The following GIMAP7 variants were observed in gnomAD, a reference collection of about 807,000 sequenced individuals.
GIMAP7 encodes the protein GTPase IMAP family member 7.
For synonymous variants in GIMAP7, 137 were observed against 129.3 expected (o/e 1.06, Z -0.40); for missense variants, 323 against 359.7 (o/e 0.90, Z 0.83).
At chr7:150,516,621 A>T (rs553844108) in intron 1 of GIMAP7, among the ~76,000 whole-genome samples, 1 of 152,344 alleles carries the variant, frequency 6.6e-6, no homozygotes, top group Admixed American at 6.5e-5. Context: ...TAAAATTCAT[A>T]CATTACAATT....
chr7:150,519,137 C>G (rs1795162209), intron 1 of GIMAP7, among the ~76,000 whole-genome samples: 2 of 152,140 alleles, frequency 1.3e-5, no homozygotes, highest in African/African-American at 4.8e-5. Flanking sequence ...ATTTAATTGT[C>G]TGGTAGAGCT....
At chr7:150,516,206 GGT>G (rs1389278284) in intron 1 of GIMAP7, among the ~76,000 whole-genome samples, 1 of 152,068 alleles carries the variant, frequency 6.6e-6, no homozygotes, top group Non-Finnish European at 1.5e-5. Context: ...GTTTTATCAG[GGT>G]GTTCTGATAT....
rs528319287 is a variant in GIMAP7 at position 150,518,814 on chromosome 7, G to A, written c.-41-1120G>A. 4.9e-4 allele frequency among the ~76,000 whole-genome samples: 75 copies of A among 152,012 alleles called. 1 individual carries two copies. The South Asian group carries it at 0.014, about 28-fold the overall frequency. On this transcript the variant is annotated intron_variant, in intron 1 of 1. Transcript: ENST00000313543. ...CCGTGTTTCTCTTATTATTTATATG[G>A]GATAGTTTTTGCATTCAAATTTCTG...
chr7:150,517,063 T>C (rs1458176915), intron 1 of GIMAP7, among the ~76,000 whole-genome samples: 1 of 152,244 alleles, frequency 6.6e-6, no homozygotes, highest in Non-Finnish European at 1.5e-5. Context: ...AAAGGAACTT[T>C]CATTCAGTGA....
At chr7:150,516,347 A>G (rs376429323) in intron 1 of GIMAP7, among the ~76,000 whole-genome samples, 54 of 152,352 alleles carry the variant, frequency 3.5e-4, no homozygotes, top group African/African-American at 1.2e-3. Context: ...TCTCACAGTT[A>G]TCAATTTATG....
Position 150,519,564 on chromosome 7 carries a change from A to G in GIMAP7, c.-41-370A>G, listed in dbSNP as rs543692115. Among the ~76,000 whole-genome samples, 108 of 152,242 alleles carry G rather than the reference A, an allele frequency of 7.1e-4. 1 individual carries two copies. The South Asian group carries it at 0.022, about 30-fold the overall frequency. On this transcript the variant is annotated intron_variant, in intron 1 of 1. Coordinates refer to ENST00000313543, the MANE Select transcript of GIMAP7 (RefSeq NM_153236.4). Reference sequence around the variant, plus strand: ...GACACATCTTTAGTTTTCTTTATTGATGAAATATTTGTCAGCCTTTGGAAT... The same window carrying G: ...GACACATCTTTAGTTTTCTTTATTGGTGAAATATTTGTCAGCCTTTGGAAT...
chr7:150,517,494 C>T (rs1277301467), intron 1 of GIMAP7, among the ~76,000 whole-genome samples: 2 of 152,066 alleles, frequency 1.3e-5, no homozygotes, highest in African/African-American at 4.8e-5. Flanking sequence ...GTGGGAAATA[C>T]CATTTGAAGA....
At chr7:150,515,901 C>A (rs2116660549) in intron 1 of GIMAP7, among the ~76,000 whole-genome samples, 1 of 152,238 alleles carries the variant, frequency 6.6e-6, no homozygotes, top group East Asian at 1.9e-4. Flanking sequence ...AAGCGTGGAT[C>A]ATCTCCTTTG....
chr7:150,516,693 TAAA>T (rs1795140113), intron 1 of GIMAP7, among the ~76,000 whole-genome samples: 1 of 152,226 alleles, frequency 6.6e-6, no homozygotes, highest in Non-Finnish European at 1.5e-5. Flanking sequence ...TTCTTTGTGT[TAAA>T]TTTCTTTGTT....
rs530752120 is a variant in GIMAP7 at position 150,520,037 on chromosome 7, A to G, written c.63A>G (p.Lys21=). ...IVLVGKTGSG[K]SATANTILGE... ...TGGTAGGGAAAACTGGAAGTGGGAAAAGTGCAACAGCGAACACCATCCTTG... is the reference window on the plus strand; with the variant it reads ...TGGTAGGGAAAACTGGAAGTGGGAAGAGTGCAACAGCGAACACCATCCTTG... The change falls in exon 2 of 2, where the codon AAA becomes AAG. Residue 21 remains lysine, a synonymous_variant. Transcript: ENST00000313543. 4 of 1,614,178 alleles carry G rather than the reference A, an allele frequency of 2.5e-6. No individual in the cohort carries two copies. The Admixed American group carries it at 5.0e-5, about 20-fold the overall frequency.
At chr7:150,519,224 CA>C (rs2116664101) in intron 1 of GIMAP7, among the ~76,000 whole-genome samples, 2 of 152,138 alleles carry the variant, frequency 1.3e-5, no homozygotes, top group African/African-American at 4.8e-5. Context: ...ACTTTATAAT[CA>C]ACTATTTTAG....
intron 1 of GIMAP7, 22 bp from the exon 2 acceptor site, chr7:150,519,911 TC>T: frequency 6.7e-7 from 1 of 1,483,822 alleles, no homozygotes; most frequent in Non-Finnish European, 9.1e-7. Flanking sequence ...TGGCTTTTTT[TC>T]CCCTATCTTC....
At chr7:150,518,619 G>GA (rs1356651646) in intron 1 of GIMAP7, among the ~76,000 whole-genome samples, 1 of 148,870 alleles carries the variant, frequency 6.7e-6, no homozygotes. Flanking sequence ...AGATAAATCG[G>GA]AAAAAATGTT....
chr7:150,517,435 G>A (rs1412248322), intron 1 of GIMAP7, among the ~76,000 whole-genome samples: 1 of 152,058 alleles, frequency 6.6e-6, no homozygotes, highest in African/African-American at 2.4e-5. Context: ...TATGTTTACT[G>A]GCCCAGACCT....
intron 1 of GIMAP7, among the ~76,000 whole-genome samples, chr7:150,516,986 T>C (rs1795142459): frequency 6.6e-6 from 1 of 152,220 alleles, no homozygotes; most frequent in Non-Finnish European, 1.5e-5. Flanking sequence ...ATTTGTTTCA[T>C]TAAAAGTTAC....
rs773934835 is a variant in GIMAP7 at position 150,520,231 on chromosome 7, TCTC to T, written c.263_265del (p.Ser88del). 5.0e-6 allele frequency: 8 copies of T among 1,614,082 alleles called. No homozygotes were observed. Among genetic ancestry groups the T allele is most frequent in the African/African-American group, 2.7e-5 (2 of 75,006 alleles). On this transcript the variant is annotated inframe_deletion, in exon 2 of 2. Coordinates refer to ENST00000313543, the MANE Select transcript of GIMAP7 (RefSeq NM_153236.4). ...TGCAAGGAAATCAGCCGCTGCATCATCTCCTCCTGCCCAGGGCCCCATGCTATT... is the reference window on the plus strand; with the variant it reads ...TGCAAGGAAATCAGCCGCTGCATCATCTCCTGCCCAGGGCCCCATGCTATT...
chr7:150,518,872 G>A (rs1278527760), intron 1 of GIMAP7, among the ~76,000 whole-genome samples: 1 of 151,972 alleles, frequency 6.6e-6, no homozygotes, highest in Non-Finnish European at 1.5e-5. Flanking sequence ...ATGAGGAATT[G>A]GAGGCAATTT....
Position 150,518,396 on chromosome 7 carries a change from G to A in GIMAP7, c.-41-1538G>A, listed in dbSNP as rs183404232. On this transcript the variant is annotated intron_variant, in intron 1 of 1. Coordinates refer to ENST00000313543, the MANE Select transcript of GIMAP7 (RefSeq NM_153236.4). ...GCCATACCTATAGTAGAGAAATAGT[G>A]ATCTCTGAGAATTTTTTATTTTTTC... 3.8e-3 allele frequency among the ~76,000 whole-genome samples: 575 copies of A among 152,120 alleles called. 39 individuals carry two copies. In the South Asian group the frequency reaches 0.11, roughly 30 times the overall value.
At chr7:150,518,449 T>C (rs1301097315) in intron 1 of GIMAP7, among the ~76,000 whole-genome samples, 1 of 152,132 alleles carries the variant, frequency 6.6e-6, no homozygotes, top group African/African-American at 2.4e-5. Flanking sequence ...TTCTCTATTG[T>C]GAATGAACTT....
Sources: allele counts gnomAD v4.1 joint callset (sites outside exome capture counted in the v4.1 genomes callset), GRCh38; gene constraint gnomAD v4.1.1; transcripts MANE v1.5; gene names NCBI Gene and HGNC (gene_info 2026-07-23, HGNC 2026-07-21).